DYNC1LI2: variants seen among roughly 807,000 people sequenced by gnomAD.
DYNC1LI2 encodes cytoplasmic dynein 1 light intermediate chain 2.
In DYNC1LI2, 19 loss-of-function variants were observed where a neutral mutation model predicts 57.8. That is an observed-to-expected ratio of 0.33 (90% CI 0.23 to 0.48). The LOEUF (loss-of-function observed/expected upper bound fraction) is 0.48, where lower values mean the gene tolerates loss of function less well. Among genes scored for constraint, DYNC1LI2 ranks in the 20% least tolerant of loss-of-function variants. The pLI, the probability that DYNC1LI2 is intolerant of heterozygous loss-of-function variation, is 0.99. For synonymous variants in DYNC1LI2, 256 were observed against 233.4 expected (o/e 1.10, Z -0.88); for missense variants, 470 against 604.2 (o/e 0.78, Z 2.33).
Position 66,729,168 on chromosome 16 carries a change from C to T in DYNC1LI2, c.1042-69G>A, listed in dbSNP as rs544414652. 8.9e-6 allele frequency: 14 copies of T among 1,564,746 alleles called. No homozygotes were observed. The highest frequency in any genetic ancestry group is 6.7e-5 in the South Asian group (6 of 90,128). On this transcript the variant is annotated intron_variant, in intron 8 of 12. Coordinates refer to ENST00000258198, the MANE Select transcript of DYNC1LI2 (RefSeq NM_006141.3). ...TCCTAACCACTGTCAAACTTCATGCCGAAAGGAGAGTCCGAGGCTCAGGCT... is the reference window on the plus strand; with the variant it reads ...TCCTAACCACTGTCAAACTTCATGCTGAAAGGAGAGTCCGAGGCTCAGGCT...
chr16:66,743,847 T>A (rs1201246925), intron 3 of DYNC1LI2, among the ~76,000 whole-genome samples: 1 of 152,230 alleles, frequency 6.6e-6, no homozygotes, highest in African/African-American at 2.4e-5. Flanking sequence ...AACTGAGATA[T>A]GAATTACCAG....
chr16:66,726,609 C>T (rs1352843190), intron 11 of DYNC1LI2, among the ~76,000 whole-genome samples: 1 of 152,182 alleles, frequency 6.6e-6, no homozygotes, highest in Admixed American at 6.5e-5. Context: ...GCCTCGGCAA[C>T]GTAAGTGAGA....
Position 66,723,638 on chromosome 16 carries a change from G to A in DYNC1LI2, c.*84C>T. ...CCCTGCCCCAAAAAACTGATAGCATGTGCCATATCAGAAAAATCCTGGTCT... is the reference window on the plus strand; with the variant it reads ...CCCTGCCCCAAAAAACTGATAGCATATGCCATATCAGAAAAATCCTGGTCT... On this transcript the variant is annotated 3_prime_UTR_variant, in exon 13 of 13. Coordinates refer to ENST00000258198, the MANE Select transcript of DYNC1LI2 (RefSeq NM_006141.3). The A allele has an allele frequency of 8.9e-7, 1 of 1,126,422 alleles. No individual in the cohort carries two copies. Among genetic ancestry groups the A allele is most frequent in the Non-Finnish European group, 1.3e-6 (1 of 793,044 alleles). The allele number at this position is 1,126,422 out of a possible 1,614,324, so 69.8% of individuals were successfully genotyped here.
chr16:66,723,777 A>G lies in DYNC1LI2; in HGVS notation c.1424T>C (p.Met475Thr). The change falls in exon 13 of 13, where the codon ATG (methionine) becomes ACG (threonine). Residue 475 changes from methionine to threonine, a missense_variant. Coordinates refer to ENST00000258198, the MANE Select transcript of DYNC1LI2 (RefSeq NM_006141.3). ...TACCATAGAGTCTGGCTTTCGAGTC[A>G]TTCTATCCAGTTCTTCCTGAACATT... Reference protein sequence around the residue: ...LSNVQEELDRMTRKPDSMVTN... With the variant: ...LSNVQEELDRTTRKPDSMVTN... 2 of 1,609,484 alleles carry G rather than the reference A, an allele frequency of 1.2e-6. No individual in the cohort carries two copies. Among genetic ancestry groups the G allele is most frequent in the Non-Finnish European group, 1.7e-6 (2 of 1,179,094 alleles).
At chr16:66,743,865 A>G (rs2017886244) in intron 3 of DYNC1LI2, among the ~76,000 whole-genome samples, 1 of 152,186 alleles carries the variant, frequency 6.6e-6, no homozygotes, top group African/African-American at 2.4e-5. Context: ...CAGACGCCTA[A>G]TTATATTGGG....
intron 2 of DYNC1LI2, 149 bp from the exon 3 acceptor site, chr16:66,749,462 C>A: frequency 1.3e-6 from 1 of 771,994 alleles, no homozygotes; most frequent in Non-Finnish European, 2.1e-6. Flanking sequence ...AAGGACTTTG[C>A]TGGAAGAGTG....
intron 2 of DYNC1LI2, 62 bp from the exon 3 acceptor site, chr16:66,749,375 T>C (rs1476335980): frequency 3.4e-6 from 5 of 1,475,622 alleles, no homozygotes; most frequent in Non-Finnish European, 4.7e-6. Flanking sequence ...TGGGGAGGCA[T>C]GACACTCACA....
intron 5 of DYNC1LI2, among the ~76,000 whole-genome samples, 198 bp downstream of exon 5, chr16:66,735,873 AACTG>A (rs1189007669): frequency 6.6e-6 from 1 of 152,222 alleles, no homozygotes; most frequent in Non-Finnish European, 1.5e-5. Flanking sequence ...GCCATGAGCA[AACTG>A]ACTAGTCATG....
chr16:66,742,899 C>T (rs997437632), intron 3 of DYNC1LI2, among the ~76,000 whole-genome samples: 1 of 152,196 alleles, frequency 6.6e-6, no homozygotes, highest in African/African-American at 2.4e-5. Context: ...TGGCTCACAC[C>T]TGTAATCTCA....
At chr16:66,741,441 A>G (rs1481587040) in intron 4 of DYNC1LI2, among the ~76,000 whole-genome samples, 1 of 152,218 alleles carries the variant, frequency 6.6e-6, no homozygotes, top group Non-Finnish European at 1.5e-5. Context: ...CGAAGAATAC[A>G]ATGTTAAACT....
intron 4 of DYNC1LI2, among the ~76,000 whole-genome samples, chr16:66,740,407 T>A (rs1433718325): frequency 1.3e-5 from 2 of 152,150 alleles, no homozygotes; most frequent in Non-Finnish European, 2.9e-5. Context: ...TTTATTAAAA[T>A]GTAGCCTAAA....
intron 10 of DYNC1LI2, 90 bp from the exon 11 acceptor site, chr16:66,727,895 T>C: frequency 1.7e-6 from 2 of 1,189,288 alleles, no homozygotes; most frequent in South Asian, 2.7e-5. Context: ...CTGAGGGATA[T>C]TTTTCACAGG....
intron 12 of DYNC1LI2, among the ~76,000 whole-genome samples, chr16:66,724,339 C>T (rs1034198039): frequency 3.3e-5 from 5 of 152,118 alleles, no homozygotes; most frequent in Non-Finnish European, 5.9e-5. Context: ...CTGTCAGACA[C>T]GAACAGGCCT....
intron 9 of DYNC1LI2, 131 bp downstream of exon 9, chr16:66,728,909 A>C: frequency 2.3e-6 from 2 of 887,396 alleles, no homozygotes; most frequent in Non-Finnish European, 3.7e-6. Flanking sequence ...GAATGAGGAG[A>C]CCTGGTCTCA....
chr16:66,721,408 A>G lies in DYNC1LI2; in HGVS notation c.*2314T>C, dbSNP rs1478025682. On this transcript the variant is annotated 3_prime_UTR_variant, in exon 13 of 13. Coordinates refer to ENST00000258198, the MANE Select transcript of DYNC1LI2 (RefSeq NM_006141.3). ...CATAAATAGTCATAAAATTGTCTTT[A>G]ACAGTCTACCATACAAGTGTACTCT... 6.6e-6 allele frequency: 1 copy of G among 152,650 alleles called. No homozygotes were observed. The highest frequency in any genetic ancestry group is 1.5e-5 in the Non-Finnish European group (1 of 68,044). The allele number at this position is 152,650 out of a possible 1,614,324, so 9.5% of individuals were successfully genotyped here.
intron 8 of DYNC1LI2, 34 bp from the exon 9 acceptor site, chr16:66,729,133 C>A (rs1239777617): frequency 6.2e-7 from 1 of 1,612,330 alleles, no homozygotes; most frequent in Non-Finnish European, 8.5e-7. Flanking sequence ...TGGCCACAGG[C>A]CAAGAATACT....
intron 2 of DYNC1LI2, among the ~76,000 whole-genome samples, chr16:66,750,753 A>G (rs2018029968): frequency 6.6e-6 from 1 of 152,170 alleles, no homozygotes; most frequent in Non-Finnish European, 1.5e-5. Flanking sequence ...GAGTGAGGCC[A>G]GAGGGAGTAA....
chr16:66,741,869 G>A (rs2017843133), intron 4 of DYNC1LI2, among the ~76,000 whole-genome samples: 1 of 124,360 alleles, frequency 8.0e-6, no homozygotes, highest in Admixed American at 9.6e-5. Flanking sequence ...GATGTCCTTA[G>A]TCTTAAAATA....
intron 6 of DYNC1LI2, chr16:66,733,940 C>A: frequency 2.7e-6 from 1 of 369,854 alleles, no homozygotes; most frequent in Non-Finnish European, 5.0e-6. Flanking sequence ...GGTAGGTGAT[C>A]ACTTGAGGTC....
Sources: gnomAD v4.1 joint callset for allele counts (sites outside exome capture counted in the v4.1 genomes callset) on GRCh38, gnomAD v4.1.1 for gene constraint, MANE v1.5 for transcripts, NCBI Gene and HGNC (gene_info 2026-07-23, HGNC 2026-07-21) for gene names.